Variants in SYNPO2 observed in about 807,000 individuals in gnomAD.
The protein encoded by SYNPO2 is synaptopodin 2.
A neutral mutation model predicts 85.0 loss-of-function variants in SYNPO2; 56 were observed. That is an observed-to-expected ratio of 0.66 (90% confidence interval 0.53 to 0.82). The LOEUF (loss-of-function observed/expected upper bound fraction) is 0.82, where lower values mean the gene tolerates loss of function less well. SYNPO2 is among the 40% of genes least tolerant of loss of function. SYNPO2 has a pLI of 0.00. For synonymous variants in SYNPO2, 602 were observed against 591.1 expected (o/e 1.02, Z -0.27); for missense variants, 1,575 against 1,534.2 (o/e 1.03, Z -0.44).
At position 119,031,503 on chromosome 4, in the gene SYNPO2, A is replaced by C. The variant is rs747455913; in HGVS notation, c.2728A>C (p.Ser910Arg). 5 of 1,614,046 alleles carry C rather than the reference A, an allele frequency of 3.1e-6. No homozygotes were observed. The highest frequency in any genetic ancestry group is 1.3e-5 in the African/African-American group (1 of 74,920). ...GTCTCCCACTCCATCTCTCCCGGCCAGTTGGAAGTACTCCTCCAATGTCCG... is the reference window on the plus strand; with the variant it reads ...GTCTCCCACTCCATCTCTCCCGGCCCGTTGGAAGTACTCCTCCAATGTCCG... Reference protein sequence around the residue: ...AQSPTPSLPASWKYSSNVRAP... With the variant: ...AQSPTPSLPARWKYSSNVRAP... The change falls in exon 4 of 5, where the codon AGT (serine) becomes CGT (arginine). Residue 910 changes from serine to arginine, a missense_variant. This residue lies in a region of SYNPO2 where 1,508 missense variants were observed against 1,446.8 expected (regional missense o/e 1.04). Transcript: ENST00000307142.
At chr4:118,963,931 GCAAT>G (rs1039692634) in intron 1 of SYNPO2, among the ~76,000 whole-genome samples, 264 of 152,222 alleles carry the variant, frequency 1.7e-3, no homozygotes, top group African/African-American at 6.1e-3. Flanking sequence ...TCCTCGAAAT[GCAAT>G]CAATCAATCA....
intron 1 of SYNPO2, among the ~76,000 whole-genome samples, chr4:118,865,649 A>G (rs1345561947): frequency 1.3e-5 from 2 of 152,204 alleles, no homozygotes; most frequent in African/African-American, 4.8e-5. Context: ...CTAGGGTATA[A>G]TCAAGTAGAT....
At chr4:118,976,319 C>T (rs541452574) in intron 1 of SYNPO2, among the ~76,000 whole-genome samples, 3 of 152,080 alleles carry the variant, frequency 2.0e-5, no homozygotes, top group Admixed American at 6.5e-5. Context: ...TCATTCCTCC[C>T]GCTGGGCTCG....
chr4:119,032,014 G>T lies in SYNPO2; in HGVS notation c.3239G>T (p.Gly1080Val). Reference sequence around the variant, plus strand: ...CCAAAGTTCTCAGCCAAGAAAAGTGGTGTCACAATTCAGGTGTGGAAACCA... The same window carrying T: ...CCAAAGTTCTCAGCCAAGAAAAGTGTTGTCACAATTCAGGTGTGGAAACCA... ...PRPKFSAKKS[G>V]VTIQESGRSL... The change falls in exon 4 of 5, where the codon GGT becomes GTT. Residue 1080 changes from glycine (G) to valine (V), a missense_variant. This residue lies in a region of SYNPO2 where 1,508 missense variants were observed against 1,446.8 expected (regional missense o/e 1.04). Transcript: ENST00000307142. The T allele has an allele frequency of 6.2e-7, 1 of 1,614,132 alleles. No homozygotes were observed. Among genetic ancestry groups the T allele is most frequent in the South Asian group, 1.1e-5 (1 of 91,056 alleles).
At chr4:118,900,779 C>CTATCTATCTA (rs1378448583) in intron 1 of SYNPO2, among the ~76,000 whole-genome samples, 1 of 142,760 alleles carries the variant, frequency 7.0e-6, no homozygotes, top group Non-Finnish European at 1.5e-5. Flanking sequence ...ATCTATCTAT[C>CTATCTATCTA]TATCTATAGA....
chr4:118,941,748 T>C (rs1168123563), intron 1 of SYNPO2, among the ~76,000 whole-genome samples: 1 of 152,214 alleles, frequency 6.6e-6, no homozygotes, highest in Admixed American at 6.5e-5. Flanking sequence ...CTAAGCTTTT[T>C]ATGACTTACA....
chr4:118,851,688 T>A (rs1335697631), intron 1 of SYNPO2, among the ~76,000 whole-genome samples: 1 of 152,230 alleles, frequency 6.6e-6, no homozygotes, highest in Non-Finnish European at 1.5e-5. Flanking sequence ...CTGTATTTTT[T>A]AAAACAGAAA....
chr4:118,959,035 A>G (rs1218651114), intron 1 of SYNPO2, among the ~76,000 whole-genome samples: 1 of 152,208 alleles, frequency 6.6e-6, no homozygotes, highest in Non-Finnish European at 1.5e-5. Flanking sequence ...AAAGGATTTT[A>G]GGATCTGTTT....
intron 1 of SYNPO2, among the ~76,000 whole-genome samples, chr4:118,875,105 G>A (rs1339794549): frequency 6.6e-6 from 1 of 152,162 alleles, no homozygotes; most frequent in African/African-American, 2.4e-5. Context: ...GAGAACGTGC[G>A]GTATTTGGTT....
At position 119,017,409 on chromosome 4, in the gene SYNPO2, T is replaced by C. The variant is rs114251071; in HGVS notation, c.106-6021T>C. ...CCTAAGGCTTTGGTTTAAGATCCAG[T>C]TGGGGTAAGGGAATGCTTATTAAAC... On this transcript the variant is annotated intron_variant, in intron 1 of 4. Coordinates refer to ENST00000307142, the MANE Select transcript of SYNPO2 (RefSeq NM_133477.3). Among the ~76,000 whole-genome samples, 1,338 of 152,254 alleles carry C rather than the reference T, an allele frequency of 8.8e-3. 28 individuals are homozygous for C. The highest frequency in any genetic ancestry group is 0.031 in the African/African-American group (1,279 of 41,542).
chr4:119,038,252 C>A (rs1183087738), intron 4 of SYNPO2: 2 of 985,144 alleles, frequency 2.0e-6, no homozygotes, highest in Non-Finnish European at 2.4e-6. Context: ...TAGCTTTGAC[C>A]ACATTCAATG....
chr4:118,867,912 A>G (rs1403076677), intron 1 of SYNPO2, among the ~76,000 whole-genome samples: 1 of 152,102 alleles, frequency 6.6e-6, no homozygotes, highest in Non-Finnish European at 1.5e-5. Flanking sequence ...AGTTTCAATG[A>G]TCATTATCTG....
chr4:118,997,164 C>T (rs1315224666), intron 1 of SYNPO2, among the ~76,000 whole-genome samples: 4 of 139,094 alleles, frequency 2.9e-5, no homozygotes, highest in East Asian at 2.2e-4. Context: ...GGCGTGAACC[C>T]GGGAGGCGGA....
intron 4 of SYNPO2, among the ~76,000 whole-genome samples, chr4:119,051,069 T>C (rs1279309192): frequency 1.3e-5 from 2 of 151,392 alleles, no homozygotes; most frequent in African/African-American, 4.9e-5. Flanking sequence ...AACAGGATAG[T>C]AAAGATATTC....
intron 4 of SYNPO2, among the ~76,000 whole-genome samples, chr4:119,051,266 T>C (rs1392726515): frequency 2.3e-5 from 3 of 127,798 alleles, no homozygotes; most frequent in Non-Finnish European, 3.2e-5. Context: ...CTCGGCTCAC[T>C]GCAAGCTCCG....
intron 1 of SYNPO2, 60 bp downstream of exon 1, chr4:118,889,201 G>A: frequency 6.8e-7 from 1 of 1,471,840 alleles, no homozygotes; most frequent in Non-Finnish European, 9.3e-7. Flanking sequence ...AAAGCAACCT[G>A]CTGATGGTGT....
At chr4:119,054,097 CA>C (rs536373793) in intron 4 of SYNPO2, among the ~76,000 whole-genome samples, 200 of 152,356 alleles carry the variant, frequency 1.3e-3, no homozygotes, top group Middle Eastern at 6.8e-3. Flanking sequence ...TCACTGTGCT[CA>C]ACCCCTTGAG....
At chr4:119,013,491 A>G (rs1737409314) in intron 1 of SYNPO2, among the ~76,000 whole-genome samples, 1 of 152,202 alleles carries the variant, frequency 6.6e-6, no homozygotes, top group South Asian at 2.1e-4. Flanking sequence ...TATTTTAAGG[A>G]ATGACAGACA....
chr4:118,923,019 T>TCTTTAA (rs1733590390), intron 1 of SYNPO2, among the ~76,000 whole-genome samples: 2 of 152,154 alleles, frequency 1.3e-5, no homozygotes, highest in African/African-American at 4.8e-5. Flanking sequence ...ATTCCATGGA[T>TCTTTAA]ATCTATTAAA....
Sources: allele counts gnomAD v4.1 joint callset (sites outside exome capture counted in the v4.1 genomes callset), GRCh38; gene constraint gnomAD v4.1.1; regional missense constraint gnomAD v4.1.1; transcripts MANE v1.5; gene names NCBI Gene and HGNC (gene_info 2026-07-23, HGNC 2026-07-21).